NTRK3: variants seen among roughly 807,000 people sequenced by gnomAD.
The protein encoded by NTRK3 is NT-3 growth factor receptor.
A neutral mutation model predicts 91.7 loss-of-function variants in NTRK3; 24 were observed. The observed-to-expected ratio is 0.26, with a 90% CI of 0.19 to 0.37. The LOEUF (loss-of-function observed/expected upper bound fraction) is 0.37. NTRK3 is among the 10% of genes least tolerant of loss of function. NTRK3 has a pLI of 1.00. For missense variants in NTRK3, 880 were observed against 1,068.9 expected (o/e 0.82, Z 2.46); for synonymous variants, 483 against 404.0 (o/e 1.20, Z -2.34).
intron 17 of NTRK3, among the ~76,000 whole-genome samples, chr15:87,909,391 T>C (rs1462954061): frequency 2.6e-5 from 4 of 152,080 alleles, no homozygotes; most frequent in South Asian, 2.1e-4. Context: ...CTGCTCTCAA[T>C]TGAGTCAGAG....
chr15:88,033,156 T>A, intron 13 of NTRK3, 111 bp from the exon 14 acceptor site: 1 of 755,532 alleles, frequency 1.3e-6, no homozygotes, highest in Non-Finnish European at 2.0e-6. Context: ...ATTTTCTTTT[T>A]TTTACTTTTG....
At chr15:87,867,755 T>C in exon 19 of NTRK3, 1 of 229,122 alleles carries the variant, frequency 4.4e-6, no homozygotes, top group Non-Finnish European at 8.7e-6. Flanking sequence ...AGCCACAAGA[T>C]AGGTTCAATA....
chr15:88,255,994 A>G lies in NTRK3; in HGVS notation c.160T>C (p.Phe54Leu). The stretch of plus-strand genomic sequence containing the variant: ...GAATCCTGCCCTTCCAGGAGGGGGA[A>G]GAGGTTCCCATCGTCCGGCCGCCGG... Residue 54 changes from phenylalanine (F) to leucine (L), a missense_variant, in exon 3 of 19, where the codon TTC becomes CTC. By Grantham distance (22) the Phe-to-Leu change is conservative (BLOSUM62 0). Around this residue, in one of 3 missense-constraint regions of NTRK3, gnomAD observed 743 missense variants for 868.6 expected, o/e 0.86. Transcript: ENST00000394480. This position sits in a 1 kb window ranked among gnomAD's most constrained non-coding sequence, Gnocchi z 4.3. 1.2e-6 allele frequency: 2 copies of G among 1,612,964 alleles called. No individual in the cohort carries two copies. Among genetic ancestry groups the G allele is most frequent in the Non-Finnish European group, 1.7e-6 (2 of 1,179,408 alleles).
At chr15:87,900,377 G>T (rs778056683) in intron 17 of NTRK3, among the ~76,000 whole-genome samples, 1 of 152,156 alleles carries the variant, frequency 6.6e-6, no homozygotes, top group African/African-American at 2.4e-5. Context: ...CAGAGGGAAG[G>T]TCTGGCACCA....
At chr15:87,884,651 T>C (rs2065435354) in intron 17 of NTRK3, among the ~76,000 whole-genome samples, 1 of 151,784 alleles carries the variant, frequency 6.6e-6, no homozygotes, top group Non-Finnish European at 1.5e-5. Context: ...CCATATTATA[T>C]ATAGCTCAAT....
intron 3 of NTRK3, among the ~76,000 whole-genome samples, chr15:88,250,351 A>G (rs1021184588): frequency 6.6e-6 from 1 of 152,240 alleles, no homozygotes; most frequent in Non-Finnish European, 1.5e-5. Context: ...GATCTGTAAA[A>G]TGGGACTGTT....
At chr15:87,978,601 G>A (rs1012362401) in intron 14 of NTRK3, 4 of 230,746 alleles carry the variant, frequency 1.7e-5, no homozygotes, top group Non-Finnish European at 1.7e-5. Flanking sequence ...GGCCCAGGAA[G>A]AGCCTGGAGA....
intron 3 of NTRK3, among the ~76,000 whole-genome samples, chr15:88,209,497 T>C (rs1339540707): frequency 6.6e-6 from 1 of 152,104 alleles, no homozygotes; most frequent in African/African-American, 2.4e-5. Flanking sequence ...GGAAATTTAA[T>C]GGGGAAACGG....
exon 19 of NTRK3, chr15:87,870,704 T>A (rs1018580689): frequency 1.8e-5 from 4 of 221,846 alleles, no homozygotes; most frequent in African/African-American, 6.7e-5. Context: ...AAATTTATCA[T>A]TGCTAAAATG....
At chr15:88,066,447 G>A (rs2142582514) in intron 13 of NTRK3, among the ~76,000 whole-genome samples, 1 of 152,312 alleles carries the variant, frequency 6.6e-6, no homozygotes, top group African/African-American at 2.4e-5. Context: ...TGGACACACA[G>A]CCCTGCCTTT....
chr15:88,039,709 C>T (rs747396556), intron 13 of NTRK3, among the ~76,000 whole-genome samples: 8 of 152,296 alleles, frequency 5.3e-5, no homozygotes, highest in South Asian at 4.1e-4. Flanking sequence ...TCAGCAAGGC[C>T]GTTTTTATAC....
At chr15:88,116,241 A>G (rs1209918269) in intron 13 of NTRK3, among the ~76,000 whole-genome samples, 5 of 152,182 alleles carry the variant, frequency 3.3e-5, no homozygotes, top group Admixed American at 3.3e-4. Context: ...TTTAGGAAAG[A>G]AGAGAGGCAT....
intron 7 of NTRK3, 129 bp downstream of exon 7, chr15:88,137,275 G>A (rs1247211593): frequency 9.5e-7 from 1 of 1,055,592 alleles, no homozygotes; most frequent in Non-Finnish European, 1.4e-6. Context: ...GCACACAACT[G>A]CAGAGTTCAA....
At chr15:87,998,292 G>C (rs2075848186) in intron 14 of NTRK3, among the ~76,000 whole-genome samples, 1 of 152,232 alleles carries the variant, frequency 6.6e-6, no homozygotes, top group Non-Finnish European at 1.5e-5. Context: ...ACTAATGCTA[G>C]CTGAGTTCCA....
intron 14 of NTRK3, among the ~76,000 whole-genome samples, chr15:88,026,616 C>A (rs1326678702): frequency 6.6e-6 from 1 of 152,128 alleles, no homozygotes; most frequent in African/African-American, 2.4e-5. Context: ...AGCAGTGAAC[C>A]CTTCTTAAAT....
intron 14 of NTRK3, chr15:87,979,468 AAAAAACAAAAAG>A (rs753601642): frequency 1.3e-6 from 2 of 1,590,664 alleles, no homozygotes; most frequent in Admixed American, 3.4e-5. Context: ...TGAAACCTAT[AAAAAACAAAAAG>A]AAAAAAAAAC....
intron 13 of NTRK3, among the ~76,000 whole-genome samples, chr15:88,071,001 G>T (rs1271047842): frequency 6.6e-6 from 1 of 152,204 alleles, no homozygotes; most frequent in Non-Finnish European, 1.5e-5. Flanking sequence ...AGAGACATCA[G>T]CCTGGGCCTG....
chr15:88,110,669 T>C (rs2051243031), intron 13 of NTRK3, among the ~76,000 whole-genome samples: 1 of 152,080 alleles, frequency 6.6e-6, no homozygotes, highest in African/African-American at 2.4e-5. Flanking sequence ...CTGTGCAAAG[T>C]GCTACAGAGG....
chr15:88,083,333 GC>G (rs1205618868), intron 13 of NTRK3, among the ~76,000 whole-genome samples: 1 of 152,068 alleles, frequency 6.6e-6, no homozygotes, highest in Admixed American at 6.5e-5. Flanking sequence ...CAATTCTCCT[GC>G]CTCAGCCTCT....
Sources: gnomAD v4.1 joint callset for allele counts (sites outside exome capture counted in the v4.1 genomes callset) on GRCh38, gnomAD v4.1.1 for gene constraint, gnomAD v4.1.1 regional missense constraint, Gnocchi (gnomAD v3.1) non-coding constraint, MANE v1.5 for transcripts, NCBI Gene and HGNC (gene_info 2026-07-23, HGNC 2026-07-21) for gene names.